The following RPTOR variants were observed in gnomAD, a reference collection of about 807,000 sequenced individuals.
The protein encoded by RPTOR is regulatory associated protein of MTOR complex 1, also known as regulatory-associated protein of mTOR.
RPTOR carries 21 observed loss-of-function variants against 169.9 expected under a neutral mutation model. That is an observed-to-expected ratio of 0.12 (90% confidence interval 0.09 to 0.18). The LOEUF (loss-of-function observed/expected upper bound fraction) is 0.18. RPTOR is among the 10% of genes least tolerant of loss of function. The probability of loss-of-function intolerance (pLI) is 1.00; values close to 1 mark genes in which losing one functional copy is unlikely to be tolerated. For synonymous variants in RPTOR, 732 were observed against 753.2 expected (o/e 0.97, Z 0.46); for missense variants, 1,133 against 1,855.9 (o/e 0.61, Z 7.16).
At chr17:80,546,931 T>G (rs547554030) in intron 1 of RPTOR, among the ~76,000 whole-genome samples, 1 of 152,162 alleles carries the variant, frequency 6.6e-6, no homozygotes, top group South Asian at 2.1e-4. Context: ...TAGCTGGGCT[T>G]GGTGGCAGGT....
At chr17:80,598,526 T>G (rs986918406) in intron 1 of RPTOR, among the ~76,000 whole-genome samples, 2 of 152,152 alleles carry the variant, frequency 1.3e-5, no homozygotes, top group African/African-American at 4.8e-5. Flanking sequence ...TCATCTGCAG[T>G]TTTTTGGGGT....
At chr17:80,728,845 C>A (rs2066363572) in intron 4 of RPTOR, among the ~76,000 whole-genome samples, 1 of 151,980 alleles carries the variant, frequency 6.6e-6, no homozygotes, top group African/African-American at 2.4e-5. Flanking sequence ...ATTCATTAGG[C>A]AAGAATTGAC....
chr17:80,892,329 G>T (rs1202501544), intron 18 of RPTOR, among the ~76,000 whole-genome samples: 1 of 152,158 alleles, frequency 6.6e-6, no homozygotes, highest in Admixed American at 6.5e-5. Context: ...CAGCAGTGAG[G>T]CCTCACTGCT....
chr17:80,884,798 AGCTGCCCCTGGAGCTGGGCG>A (rs2068225711), intron 16 of RPTOR, among the ~76,000 whole-genome samples, 190 bp from the exon 17 acceptor site: 1 of 152,142 alleles, frequency 6.6e-6, no homozygotes, highest in Non-Finnish European at 1.5e-5. Context: ...CTGCAGTCTG[AGCTGCCCCTGGAGCTGGGCG>A]GCTGCCCCTG....
chr17:80,859,186 G>A (rs2067889644), intron 13 of RPTOR, among the ~76,000 whole-genome samples: 1 of 152,202 alleles, frequency 6.6e-6, no homozygotes. Flanking sequence ...CAAGACTGGG[G>A]ACCTCGTCTA....
rs1051534293 is a variant in RPTOR at position 80,803,707 on chromosome 17, C to G, written c.890+12198C>G. Reference sequence around the variant, plus strand: ...TGTGTGCTAGGGCCTGTCCGAGGCTCTGGAGCCAAGTCCTTGCTCGTTAAC... The same window carrying G: ...TGTGTGCTAGGGCCTGTCCGAGGCTGTGGAGCCAAGTCCTTGCTCGTTAAC... On this transcript the variant is annotated intron_variant, in intron 7 of 33. Transcript: ENST00000306801. This position sits in a 1 kb window ranked among gnomAD's most constrained non-coding sequence, Gnocchi z 6.2. 6 of 152,256 alleles carry G rather than the reference C, an allele frequency of 3.9e-5. No homozygotes were observed. The highest frequency in any genetic ancestry group is 3.9e-4 in the Admixed American group (6 of 15,284). The allele number at this position is 152,256 out of a possible 1,614,324, so 9.4% of individuals were successfully genotyped here. A position where few individuals can be genotyped will look rare whatever the true frequency, so the allele number is the denominator to read the frequency against.
intron 25 of RPTOR, among the ~76,000 whole-genome samples, chr17:80,944,326 G>A (rs994539305): frequency 2.0e-5 from 3 of 152,188 alleles, no homozygotes; most frequent in Admixed American, 6.5e-5. Flanking sequence ...AGTCTGTTAC[G>A]AATCAGAGCC....
intron 13 of RPTOR, among the ~76,000 whole-genome samples, chr17:80,867,595 C>G (rs1286667118): frequency 6.6e-6 from 1 of 152,136 alleles, no homozygotes; most frequent in African/African-American, 2.4e-5. Context: ...ACTGTATTTT[C>G]AGACAGCATG....
chr17:80,631,670 A>G (rs2065443588), intron 2 of RPTOR, among the ~76,000 whole-genome samples: 1 of 152,230 alleles, frequency 6.6e-6, no homozygotes, highest in Non-Finnish European at 1.5e-5. Flanking sequence ...TCTACATCCT[A>G]AGCAAAAGCA....
At chr17:80,556,377 G>A (rs151266490) in intron 1 of RPTOR, among the ~76,000 whole-genome samples, 10 of 152,282 alleles carry the variant, frequency 6.6e-5, no homozygotes, top group African/African-American at 2.4e-4. Context: ...CGGACATGGT[G>A]GTGCGCACCT....
rs558922247 is a variant in RPTOR at position 80,860,729 on chromosome 17, G to C, written c.1509+2829G>C. On this transcript the variant is annotated intron_variant, in intron 13 of 33. Transcript: ENST00000306801. The surrounding 1 kb of genome is among the most constrained non-coding windows in gnomAD (Gnocchi z 5.8). ...TTCTGCTAGTTCACTGGTTCTTGTAGATTCCCTAGGATTTTATGTATATGC... is the reference window on the plus strand; with the variant it reads ...TTCTGCTAGTTCACTGGTTCTTGTACATTCCCTAGGATTTTATGTATATGC... Among the ~76,000 whole-genome samples the C allele has an allele frequency of 6.6e-6, 1 of 152,128 alleles. No individual in the cohort carries two copies. Among genetic ancestry groups the C allele is most frequent in the African/African-American group, 2.4e-5 (1 of 41,490 alleles).
chr17:80,556,765 G>A (rs1490783264), intron 1 of RPTOR, among the ~76,000 whole-genome samples: 2 of 146,186 alleles, frequency 1.4e-5, no homozygotes, highest in Non-Finnish European at 3.0e-5. Context: ...GAGTCACAAA[G>A]AGACCATCTA....
At chr17:80,941,539 C>T (rs763045354) in intron 25 of RPTOR, among the ~76,000 whole-genome samples, 13 of 152,232 alleles carry the variant, frequency 8.5e-5, no homozygotes, top group Non-Finnish European at 1.6e-4. Flanking sequence ...CCCCTGCCCT[C>T]GCGGCCACAG....
chr17:80,907,796 C>T (rs1446785696), intron 20 of RPTOR, among the ~76,000 whole-genome samples: 1 of 152,226 alleles, frequency 6.6e-6, no homozygotes, highest in Non-Finnish European at 1.5e-5. Flanking sequence ...CCCCCTCTCG[C>T]TCCACCCCTC....
chr17:80,621,976 GC>G (rs1281944879), intron 1 of RPTOR, among the ~76,000 whole-genome samples: 19 of 152,238 alleles, frequency 1.2e-4, no homozygotes, highest in Admixed American at 1.0e-3. Flanking sequence ...CTCAGATTCG[GC>G]CCGTTAATGC....
At position 80,577,476 on chromosome 17, in the gene RPTOR, C is replaced by A. The variant is rs141159922; in HGVS notation, c.162+31685C>A. 2.1e-3 allele frequency among the ~76,000 whole-genome samples: 325 copies of A among 151,998 alleles called. 4 individuals are homozygous for A. Among genetic ancestry groups the A allele is most frequent in the African/African-American group, 7.4e-3 (305 of 41,464 alleles). ...ATTTTTTTTATAGAGCTAGGGTCTT[C>A]CTATGTGGCCCAGGCTTGTCTTGAA... On this transcript the variant is annotated intron_variant, in intron 1 of 33. Transcript: ENST00000306801.
At chr17:80,944,644 C>T (rs1308067277) in intron 25 of RPTOR, among the ~76,000 whole-genome samples, 3 of 152,168 alleles carry the variant, frequency 2.0e-5, no homozygotes, top group Non-Finnish European at 4.4e-5. Context: ...CTCCAAGTCC[C>T]CAAGGTATTG....
At chr17:80,778,159 G>A (rs867679314) in intron 6 of RPTOR, among the ~76,000 whole-genome samples, 2 of 152,140 alleles carry the variant, frequency 1.3e-5, no homozygotes, top group East Asian at 1.9e-4. Flanking sequence ...AAATCACACC[G>A]AGTCACTCTT....
chr17:80,853,481 C>T (rs1362022002), intron 11 of RPTOR, among the ~76,000 whole-genome samples: 2 of 152,138 alleles, frequency 1.3e-5, no homozygotes, highest in Non-Finnish European at 1.5e-5. Flanking sequence ...TGTCTGTCTC[C>T]CAGGCCACAT....
Sources: gnomAD v4.1 joint callset for allele counts (sites outside exome capture counted in the v4.1 genomes callset) on GRCh38, gnomAD v4.1.1 for gene constraint, Gnocchi (gnomAD v3.1) non-coding constraint, MANE v1.5 for transcripts, NCBI Gene and HGNC (gene_info 2026-07-23, HGNC 2026-07-21) for gene names.